The following SNRPN variants were observed in gnomAD, a reference collection of about 807,000 sequenced individuals.
SNRPN encodes small nuclear ribonucleoprotein polypeptide N.
A neutral mutation model predicts 25.2 loss-of-function variants in SNRPN; 7 were observed. That is an observed-to-expected ratio of 0.28 (90% confidence interval 0.16 to 0.52). The LOEUF (loss-of-function observed/expected upper bound fraction) is 0.52, where lower values mean the gene tolerates loss of function less well. Among genes scored for constraint, SNRPN ranks in the 20% least tolerant of loss-of-function variants. The probability of loss-of-function intolerance (pLI) is 0.96; values close to 1 mark genes in which losing one functional copy is unlikely to be tolerated. For missense variants in SNRPN, 196 were observed against 322.5 expected (o/e 0.61, Z 3.00); for synonymous variants, 124 against 110.6 (o/e 1.12, Z -0.76).
chr15:24,942,677 T>C (rs1188504414), intron 3 of SNRPN, among the ~76,000 whole-genome samples: 1 of 152,172 alleles, frequency 6.6e-6, no homozygotes, highest in African/African-American at 2.4e-5. Context: ...GACAAAACAC[T>C]GGCCCTTCCA....
At chr15:24,917,071 A>C (rs1449801225) in intron 2 of SNRPN, among the ~76,000 whole-genome samples, 1 of 152,162 alleles carries the variant, frequency 6.6e-6, no homozygotes, top group East Asian at 1.9e-4. Flanking sequence ...GGTCCATTTT[A>C]CAAACCTCTA....
Position 24,907,184 on chromosome 15 carries a change from G to A in SNRPN, c.-504-12827G>A, listed in dbSNP as rs192872834. On this transcript the variant is annotated intron_variant, in intron 2 of 11. Transcript: ENST00000400097. Reference sequence around the variant, plus strand: ...ATGGATTGGTCTTAAATAGAGCTGGGAGTAAAAGATTCGCAGCCCAGGAAG... The same window carrying A: ...ATGGATTGGTCTTAAATAGAGCTGGAAGTAAAAGATTCGCAGCCCAGGAAG... 1.7e-4 allele frequency among the ~76,000 whole-genome samples: 26 copies of A among 152,286 alleles called. No individual in the cohort carries two copies. The East Asian group carries it at 4.8e-3, about 28-fold the overall frequency.
intron 2 of SNRPN, among the ~76,000 whole-genome samples, chr15:24,835,861 C>T (rs1031620134): frequency 2.0e-5 from 3 of 152,160 alleles, no homozygotes; most frequent in Admixed American, 6.5e-5. Context: ...GACAGGGTCT[C>T]GCTTTGTTGC....
intron 3 of SNRPN, among the ~76,000 whole-genome samples, chr15:24,943,741 T>TA (rs2061704329): frequency 6.6e-6 from 1 of 152,096 alleles, no homozygotes; most frequent in Non-Finnish European, 1.5e-5. Flanking sequence ...TGCTGCAACT[T>TA]ACCAATGGGG....
intron 2 of SNRPN, among the ~76,000 whole-genome samples, chr15:24,891,418 A>G (rs191780227): frequency 3.4e-4 from 52 of 151,852 alleles, no homozygotes; most frequent in African/African-American, 1.1e-3. Flanking sequence ...ATTTGGTAGT[A>G]TCATTGGGCC....
intron 1 of SNRPN, among the ~76,000 whole-genome samples, chr15:24,961,272 G>T (rs2153469761): frequency 6.6e-6 from 1 of 152,258 alleles, no homozygotes; most frequent in African/African-American, 2.4e-5. Flanking sequence ...TTATTGGTAA[G>T]CTATTTTACC....
chr15:24,851,258 C>T (rs923333092), intron 2 of SNRPN: 1 of 152,116 alleles, frequency 6.6e-6, no homozygotes, highest in East Asian at 1.9e-4. Flanking sequence ...ACAAAATAAC[C>T]TCTGATATTT....
intron 2 of SNRPN, chr15:24,849,047 C>T (rs1483989095): frequency 6.6e-6 from 1 of 152,238 alleles, no homozygotes; most frequent in Non-Finnish European, 1.5e-5. Flanking sequence ...GCAATTCTGC[C>T]TCAACCTCCC....
intron 2 of SNRPN, among the ~76,000 whole-genome samples, chr15:24,837,378 T>C (rs1018713429): frequency 4.0e-5 from 6 of 151,780 alleles, no homozygotes; most frequent in Non-Finnish European, 8.8e-5. Context: ...AGATTTTTTT[T>C]TTTTTTTGAG....
intron 1 of SNRPN, among the ~76,000 whole-genome samples, chr15:24,864,784 T>C (rs12904117): frequency 0.32 from 49,016 of 152,038 alleles, 9,096 homozygotes; most frequent in African/African-American, 0.49. Context: ...CTCTTGAGAT[T>C]TCTTGCATCA....
chr15:24,947,494 T>G (rs2061957070), intron 3 of SNRPN, among the ~76,000 whole-genome samples: 1 of 152,146 alleles, frequency 6.6e-6, no homozygotes, highest in Non-Finnish European at 1.5e-5. Context: ...CTGGGCATGG[T>G]GACATGCACC....
intron 3 of SNRPN, among the ~76,000 whole-genome samples, chr15:24,938,254 G>A (rs1467314319): frequency 6.6e-6 from 1 of 151,900 alleles, no homozygotes; most frequent in Non-Finnish European, 1.5e-5. Context: ...AGCCTCTCAA[G>A]TAGCTGGAAT....
chr15:24,927,696 T>A (rs1333401795), intron 3 of SNRPN, among the ~76,000 whole-genome samples: 1 of 151,880 alleles, frequency 6.6e-6, no homozygotes, highest in Admixed American at 6.6e-5. Flanking sequence ...GCCCCAATAA[T>A]GTTTTTTATA....
chr15:24,890,332 A>C (rs1411200474), intron 2 of SNRPN, among the ~76,000 whole-genome samples: 2 of 152,170 alleles, frequency 1.3e-5, no homozygotes, highest in Non-Finnish European at 2.9e-5. Context: ...AATTACTATT[A>C]GATGATACCC....
At chr15:24,895,668 G>A (rs61999134) in intron 2 of SNRPN, among the ~76,000 whole-genome samples, 16,165 of 152,138 alleles carry the variant, frequency 0.11, 1,031 homozygotes, top group South Asian at 0.14. Context: ...AGACACCTCA[G>A]TATGAAAACG....
At chr15:24,972,670 T>C (rs1434215935) in intron 3 of SNRPN, among the ~76,000 whole-genome samples, 1 of 151,862 alleles carries the variant, frequency 6.6e-6, no homozygotes. Flanking sequence ...CATTTTTTAA[T>C]TAGTATGATA....
intron 3 of SNRPN, among the ~76,000 whole-genome samples, chr15:24,925,364 C>G (rs1370092510): frequency 6.6e-6 from 1 of 151,964 alleles, no homozygotes; most frequent in African/African-American, 2.4e-5. Context: ...TTGTACAGCA[C>G]TTTGGGAGGC....
At chr15:24,880,783 G>A (rs898676522) in intron 1 of SNRPN, among the ~76,000 whole-genome samples, 1 of 151,666 alleles carries the variant, frequency 6.6e-6, no homozygotes, top group East Asian at 1.9e-4. Context: ...TTGCTCTGTT[G>A]TCCAGGCTGG....
intron 2 of SNRPN, among the ~76,000 whole-genome samples, chr15:24,834,933 A>T (rs1162472443): frequency 8.2e-6 from 1 of 122,672 alleles, no homozygotes. Context: ...GAAAAAAAAA[A>T]AAGAAATGCA....
Sources: allele counts gnomAD v4.1 joint callset (sites outside exome capture counted in the v4.1 genomes callset), GRCh38; gene constraint gnomAD v4.1.1; transcripts MANE v1.5; gene names NCBI Gene and HGNC (gene_info 2026-07-23, HGNC 2026-07-21).